Variants in LINGO2 observed in about 807,000 individuals in gnomAD.
LINGO2 encodes leucine rich repeat and Ig domain containing 2.
Under a neutral mutation model 30.6 loss-of-function variants are expected in LINGO2, and 14 were observed. That is an observed-to-expected ratio of 0.46 (90% CI 0.30 to 0.72). The LOEUF (loss-of-function observed/expected upper bound fraction) is 0.72, where lower values mean the gene tolerates loss of function less well. Among genes scored for constraint, LINGO2 ranks in the 30% least tolerant of loss-of-function variants. The pLI, the probability that LINGO2 is intolerant of heterozygous loss-of-function variation, is 0.07. For synonymous variants in LINGO2, 317 were observed against 288.5 expected (o/e 1.10, Z -1.00); for missense variants, 729 against 751.7 (o/e 0.97, Z 0.35).
At chr9:28,689,657 A>G in the LINGO2 span, among the ~76,000 whole-genome samples, 2 of 152,134 alleles carry the variant, frequency 1.3e-5, no homozygotes, top group African/African-American at 2.4e-5. Context: ...GCAATTCTTC[A>G]AAGACCTAGA....
intron 2 of LINGO2, among the ~76,000 whole-genome samples, chr9:28,464,982 G>T (rs1404040538): frequency 2.0e-5 from 3 of 152,224 alleles, no homozygotes; most frequent in Non-Finnish European, 4.4e-5. Flanking sequence ...AGGTGAGAAG[G>T]TGCAGGAGCA....
chr9:28,459,238 T>A (rs904284443), intron 2 of LINGO2, among the ~76,000 whole-genome samples: 9 of 147,182 alleles, frequency 6.1e-5, no homozygotes, highest in Admixed American at 1.4e-4. Flanking sequence ...CTTCTGGAAA[T>A]AAGCATTTAA....
the LINGO2 span, among the ~76,000 whole-genome samples, chr9:28,937,610 G>A: frequency 6.6e-6 from 1 of 152,026 alleles, no homozygotes; most frequent in Non-Finnish European, 1.5e-5. Flanking sequence ...TCAGCCATGG[G>A]TGGCAGTTTT....
chr9:28,298,222 G>C (rs1257040601), intron 3 of LINGO2, among the ~76,000 whole-genome samples: 1 of 151,242 alleles, frequency 6.6e-6, no homozygotes, highest in Non-Finnish European at 1.5e-5. Flanking sequence ...CTCTTAGATA[G>C]TAGGTGACTT....
intron 1 of LINGO2, among the ~76,000 whole-genome samples, chr9:28,603,178 C>T (rs1825560668): frequency 6.6e-6 from 1 of 151,994 alleles, no homozygotes; most frequent in Non-Finnish European, 1.5e-5. Context: ...TTTAAACACC[C>T]TGATCCTCTA....
chr9:28,061,580 A>G (rs898036642), intron 4 of LINGO2, among the ~76,000 whole-genome samples: 1 of 152,066 alleles, frequency 6.6e-6, no homozygotes, highest in African/African-American at 2.4e-5. Context: ...AAAGTAAATG[A>G]AATAAAAGGA....
intron 4 of LINGO2, among the ~76,000 whole-genome samples, chr9:28,265,507 T>C (rs1822717310): frequency 6.6e-6 from 1 of 152,052 alleles, no homozygotes. Flanking sequence ...AAAAGTAGAA[T>C]AGATACAATT....
chr9:29,181,807 G>C, the LINGO2 span, among the ~76,000 whole-genome samples: 2 of 151,846 alleles, frequency 1.3e-5, no homozygotes, highest in Non-Finnish European at 2.9e-5. Flanking sequence ...GTATTCCTCT[G>C]AGTATTAAAA....
At chr9:28,910,281 A>T in the LINGO2 span, among the ~76,000 whole-genome samples, 1 of 151,984 alleles carries the variant, frequency 6.6e-6, no homozygotes, top group Non-Finnish European at 1.5e-5. Context: ...CACAGTATCA[A>T]TGACTGTCAC....
chr9:28,960,773 G>A, the LINGO2 span, among the ~76,000 whole-genome samples: 1 of 149,848 alleles, frequency 6.7e-6, no homozygotes, highest in Non-Finnish European at 1.5e-5. Flanking sequence ...CCAAAAATAT[G>A]TTTATATAAA....
chr9:28,238,069 G>A (rs917406876), intron 4 of LINGO2, among the ~76,000 whole-genome samples: 1 of 151,862 alleles, frequency 6.6e-6, no homozygotes, highest in Non-Finnish European at 1.5e-5. Flanking sequence ...AGTCAATTCG[G>A]CATAAGGATA....
intron 1 of LINGO2, among the ~76,000 whole-genome samples, chr9:28,570,416 C>A (rs1823627359): frequency 6.6e-6 from 1 of 151,774 alleles, no homozygotes; most frequent in African/African-American, 2.4e-5. Flanking sequence ...CATTCAGGAA[C>A]AAAGATGGAT....
chr9:29,089,145 G>A, the LINGO2 span, among the ~76,000 whole-genome samples: 1 of 151,624 alleles, frequency 6.6e-6, no homozygotes, highest in Non-Finnish European at 1.5e-5. Flanking sequence ...TTTACTGTAG[G>A]CATAAAACAG....
chr9:28,041,192 G>A (rs955027752), intron 4 of LINGO2, among the ~76,000 whole-genome samples: 1 of 152,166 alleles, frequency 6.6e-6, no homozygotes, highest in Admixed American at 6.5e-5. Context: ...TCTGTCTATT[G>A]CACCTCATAA....
chr9:28,881,353 A>C, the LINGO2 span, among the ~76,000 whole-genome samples: 1 of 152,000 alleles, frequency 6.6e-6, no homozygotes, highest in South Asian at 2.1e-4. Flanking sequence ...CGAACCCCTG[A>C]CCTCAAGTGA....
intron 5 of LINGO2, among the ~76,000 whole-genome samples, chr9:27,981,336 A>T (rs979860562): frequency 6.6e-6 from 1 of 151,520 alleles, no homozygotes; most frequent in African/African-American, 2.4e-5. Flanking sequence ...GAGGCAGAAA[A>T]CAGCTAGGTA....
the LINGO2 span, among the ~76,000 whole-genome samples, chr9:28,688,660 A>T: frequency 3.3e-5 from 5 of 152,164 alleles, no homozygotes; most frequent in East Asian, 7.7e-4. Flanking sequence ...TAATTATTAC[A>T]TTAATTTATT....
chr9:28,041,182 T>G (rs887063437), intron 4 of LINGO2, among the ~76,000 whole-genome samples: 4 of 152,196 alleles, frequency 2.6e-5, no homozygotes, highest in Non-Finnish European at 4.4e-5. Context: ...TAGCATCTAT[T>G]CTGTCTATTG....
At chr9:28,375,292 T>C (rs990173515) in intron 2 of LINGO2, among the ~76,000 whole-genome samples, 12 of 152,206 alleles carry the variant, frequency 7.9e-5, no homozygotes, top group Non-Finnish European at 1.3e-4. Context: ...CAATTCAGTA[T>C]TATTCCCCGG....
Sources: gnomAD v4.1 joint callset for allele counts (sites outside exome capture counted in the v4.1 genomes callset) on GRCh38, gnomAD v4.1.1 for gene constraint, MANE v1.5 for transcripts, NCBI Gene and HGNC (gene_info 2026-07-23, HGNC 2026-07-21) for gene names.